KDM4C: variants seen among roughly 807,000 people sequenced by gnomAD.
KDM4C encodes the protein lysine demethylase 4C, also known as lysine-specific demethylase 4C.
Under a neutral mutation model 129.3 loss-of-function variants are expected in KDM4C, and 81 were observed. That is an observed-to-expected ratio of 0.63 (90% CI 0.52 to 0.75). The LOEUF is 0.75. KDM4C is among the 30% of genes least tolerant of loss of function. The probability of loss-of-function intolerance (pLI) is 0.00; values close to 1 mark genes in which losing one functional copy is unlikely to be tolerated. For synonymous variants in KDM4C, 573 were observed against 456.1 expected (o/e 1.26, Z -3.26); for missense variants, 1,457 against 1,304.0 (o/e 1.12, Z -1.81).
chr9:7,081,597 G>GT (rs1480554305), intron 17 of KDM4C, among the ~76,000 whole-genome samples: 1 of 152,168 alleles, frequency 6.6e-6, no homozygotes, highest in Non-Finnish European at 1.5e-5. Flanking sequence ...CTTTGAAGAT[G>GT]TTGGCAATCA....
chr9:6,926,355 A>AAG (rs55919503), intron 8 of KDM4C, among the ~76,000 whole-genome samples: 1 of 148,736 alleles, frequency 6.7e-6, no homozygotes, highest in East Asian at 2.0e-4. Context: ...AAAAAAAAAA[A>AAG]GGACCAAAAT....
chr9:6,779,899 G>A (rs1429874718), intron 1 of KDM4C, among the ~76,000 whole-genome samples: 1 of 152,168 alleles, frequency 6.6e-6, no homozygotes, highest in Non-Finnish European at 1.5e-5. Context: ...GTTCATTGGT[G>A]TAATCTTTAT....
At chr9:7,001,975 A>G (rs1226529236) in intron 12 of KDM4C, among the ~76,000 whole-genome samples, 2 of 152,078 alleles carry the variant, frequency 1.3e-5, no homozygotes, top group Non-Finnish European at 2.9e-5. Flanking sequence ...TCACTGCAGC[A>G]TCCGCCTCCT....
intron 8 of KDM4C, 143 bp from the exon 9 acceptor site, chr9:6,980,782 C>T (rs1034494563): frequency 2.0e-5 from 13 of 645,108 alleles, no homozygotes; most frequent in Non-Finnish European, 3.1e-5. Context: ...GGGTTTATCA[C>T]CCATTGAATG....
chr9:6,860,659 A>T (rs1040381284), intron 5 of KDM4C, among the ~76,000 whole-genome samples: 3 of 152,330 alleles, frequency 2.0e-5, no homozygotes, highest in African/African-American at 7.2e-5. Context: ...GTGAGAAGAG[A>T]CATAGAGTCT....
At chr9:6,888,811 G>A (rs1312128017) in intron 7 of KDM4C, among the ~76,000 whole-genome samples, 1 of 25,086 alleles carries the variant, frequency 4.0e-5, no homozygotes, top group Non-Finnish European at 7.1e-5. Flanking sequence ...TTTTTGAGAC[G>A]GAGTCTCGCT....
intron 2 of KDM4C, among the ~76,000 whole-genome samples, chr9:6,798,103 C>G (rs1300927954): frequency 1.3e-5 from 2 of 152,106 alleles, no homozygotes; most frequent in Non-Finnish European, 2.9e-5. Context: ...AAAATATATT[C>G]CATTTGAACT....
intron 4 of KDM4C, among the ~76,000 whole-genome samples, chr9:6,831,698 T>C (rs1240739689): frequency 6.6e-6 from 1 of 152,072 alleles, no homozygotes; most frequent in African/African-American, 2.4e-5. Flanking sequence ...CTAATAATCA[T>C]GTCTGAATGT....
chr9:7,003,407 CAG>C (rs977791810), intron 12 of KDM4C, among the ~76,000 whole-genome samples: 1 of 150,588 alleles, frequency 6.6e-6, no homozygotes, highest in African/African-American at 2.4e-5. Context: ...CCCATCTCCT[CAG>C]AGGTAGCATA....
chr9:6,743,838 G>C (rs1817784705), intron 1 of KDM4C, among the ~76,000 whole-genome samples: 1 of 151,952 alleles, frequency 6.6e-6, no homozygotes, highest in South Asian at 2.1e-4. Context: ...GGAATCTGCA[G>C]CTAGTCAAAT....
chr9:7,057,375 C>T (rs868330845), intron 17 of KDM4C, among the ~76,000 whole-genome samples: 1 of 152,246 alleles, frequency 6.6e-6, no homozygotes. Context: ...TCTCTGCATT[C>T]ATCTATATCA....
In KDM4C at chr9:6,722,075, G is replaced by A. The variant is rs114901003; in HGVS notation, c.49+1078G>A. On this transcript the variant is annotated intron_variant, in intron 1 of 17. Coordinates refer to the KDM4C transcript ENST00000536108. Reference sequence around the variant, plus strand: ...ATTAAAATTTGTTTTTGTAGTTGTAGAGGAACTGTTCCGTGCTGGTTCCCC... The same window carrying A: ...ATTAAAATTTGTTTTTGTAGTTGTAAAGGAACTGTTCCGTGCTGGTTCCCC... 6.6e-3 allele frequency among the ~76,000 whole-genome samples: 1,008 copies of A among 152,294 alleles called. 8 individuals carry two copies. The highest frequency in any genetic ancestry group is 0.023 in the African/African-American group (946 of 41,574).
At chr9:6,943,281 T>G (rs1826286616) in intron 8 of KDM4C, among the ~76,000 whole-genome samples, 2 of 152,234 alleles carry the variant, frequency 1.3e-5, no homozygotes, top group African/African-American at 4.8e-5. Flanking sequence ...TTTATAGTCA[T>G]TTTTAGAGCA....
chr9:6,858,842 T>G (rs1840405247), intron 5 of KDM4C, among the ~76,000 whole-genome samples: 1 of 152,002 alleles, frequency 6.6e-6, no homozygotes, highest in Non-Finnish European at 1.5e-5. Flanking sequence ...ATCATTTTTT[T>G]GGTATCTCTT....
In KDM4C at chr9:6,893,242, G is replaced by A; in HGVS notation, c.921+10G>A. ...AAAAGTTGCCAAATTGGTAAGCTAT[G>A]CCTCAAAAATAAAGCAAAAATTAAA... On this transcript the variant is annotated intron_variant, in intron 8 of 21. Coordinates refer to ENST00000381309, the MANE Select transcript of KDM4C (RefSeq NM_015061.6). 5 of 1,600,028 alleles carry A rather than the reference G, an allele frequency of 3.1e-6. No homozygotes were observed. The highest frequency in any genetic ancestry group is 3.4e-6 in the Non-Finnish European group (4 of 1,174,216).
intron 5 of KDM4C, among the ~76,000 whole-genome samples, chr9:6,852,163 T>A (rs1838967103): frequency 1.3e-5 from 2 of 152,240 alleles, no homozygotes; most frequent in African/African-American, 4.8e-5. Context: ...TTCCTCAGCA[T>A]AAATAATTTT....
chr9:7,097,800 T>C (rs542068824), intron 17 of KDM4C, among the ~76,000 whole-genome samples: 1 of 152,396 alleles, frequency 6.6e-6, no homozygotes, highest in East Asian at 1.9e-4. Flanking sequence ...ACAAGGATTG[T>C]ATATCTTTTT....
chr9:7,127,959 C>A lies in KDM4C; in HGVS notation c.2611-107C>A, dbSNP rs75158227. ...TAAGTTAAAAATTTTTTTTTTAAATCTTGGCCAAATAAATGATTGTTTTTC... is the reference window on the plus strand; with the variant it reads ...TAAGTTAAAAATTTTTTTTTTAAATATTGGCCAAATAAATGATTGTTTTTC... On this transcript the variant is annotated intron_variant, in intron 18 of 21. Transcript: ENST00000381309. The A allele has an allele frequency of 0.01, 10,703 of 1,064,840 alleles. 781 individuals are homozygous for A. In the African/African-American group the frequency reaches 0.16, roughly 16 times the overall value. 66.0% of individuals were successfully genotyped at this position (1,064,840 alleles called of 1,614,324 possible).
At chr9:6,925,543 A>G (rs1822330215) in intron 8 of KDM4C, 2 of 947,874 alleles carry the variant, frequency 2.1e-6, no homozygotes, top group South Asian at 9.9e-5. Context: ...CAGTCCTCCC[A>G]CCTTGGCCTC....
Sources: gnomAD v4.1 joint callset for allele counts (sites outside exome capture counted in the v4.1 genomes callset) on GRCh38, gnomAD v4.1.1 for gene constraint, MANE v1.5 for transcripts, NCBI Gene and HGNC (gene_info 2026-07-23, HGNC 2026-07-21) for gene names.